The following GVQW3 variants were observed in gnomAD, a reference collection of about 807,000 sequenced individuals.
The protein encoded by GVQW3 is protein GVQW3.
A neutral mutation model predicts 12.5 loss-of-function variants in GVQW3; 7 were observed. The ratio of observed to expected loss-of-function variants is 0.56; its 90% CI spans 0.32 to 1.05. The LOEUF (loss-of-function observed/expected upper bound fraction) is 1.05, where lower values mean the gene tolerates loss of function less well. Ranked by LOEUF, GVQW3 falls within the 50% of genes least tolerant of loss-of-function variation. The pLI, the probability that GVQW3 is intolerant of heterozygous loss-of-function variation, is 0.04. For synonymous variants in GVQW3, 71 were observed against 67.2 expected (o/e 1.06, Z -0.28); for missense variants, 188 against 190.8 (o/e 0.99, Z 0.09).
At chr11:76,387,582 CATT>C (rs1946848057) in intron 1 of GVQW3, among the ~76,000 whole-genome samples, 1 of 152,072 alleles carries the variant, frequency 6.6e-6, no homozygotes, top group South Asian at 2.1e-4. Flanking sequence ...CCATCAATAA[CATT>C]ATTAATGCCA....
At chr11:76,400,092 A>G (rs199954544) in intron 1 of GVQW3, among the ~76,000 whole-genome samples, 3 of 150,934 alleles carry the variant, frequency 2.0e-5, no homozygotes, top group East Asian at 3.9e-4. Flanking sequence ...AAAGAACCCC[A>G]TAATGTTAAA....
intron 1 of GVQW3, among the ~76,000 whole-genome samples, chr11:76,402,090 C>T (rs1214259563): frequency 6.6e-6 from 1 of 152,156 alleles, no homozygotes; most frequent in Non-Finnish European, 1.5e-5. Flanking sequence ...TCTCCTACTC[C>T]TTAGTGTGCA....
At position 76,386,055 on chromosome 11, in the gene GVQW3, A is replaced by T. The variant is rs144585435; in HGVS notation, c.465+3762A>T. ...CCATCTGCAAACTTTCTCAAGCTTAACACCATCGGTCAATGACTCCGTTTG... is the reference window on the plus strand; with the variant it reads ...CCATCTGCAAACTTTCTCAAGCTTATCACCATCGGTCAATGACTCCGTTTG... On this transcript the variant is annotated intron_variant, in intron 1 of 1. Coordinates refer to ENST00000529331, the MANE Select transcript of GVQW3 (RefSeq NM_001347885.2). Among the ~76,000 whole-genome samples, 1,027 of 152,302 alleles carry T rather than the reference A, an allele frequency of 6.7e-3. 4 individuals are homozygous for T. Among genetic ancestry groups the T allele is most frequent in the Non-Finnish European group, 1.0e-2 (680 of 68,020 alleles).
chr11:76,381,785 AC>A lies in GVQW3; in HGVS notation c.-43del. Reference sequence around the variant, plus strand: ...AGATTGATCTGTCCGTCTTTCCCTTACAGTCGTGGCCTGTTAAACGTTCCTG... The same window carrying A: ...AGATTGATCTGTCCGTCTTTCCCTTAAGTCGTGGCCTGTTAAACGTTCCTG... On this transcript the variant is annotated 5_prime_UTR_variant, in exon 1 of 2. Transcript: ENST00000529331. 6.8e-7 allele frequency: 1 copy of A among 1,462,916 alleles called. No individual in the cohort carries two copies. The highest frequency in any genetic ancestry group is 9.0e-7 in the Non-Finnish European group (1 of 1,111,580). The allele number at this position is 1,462,916 out of a possible 1,614,324, so 90.6% of individuals were successfully genotyped here. A position where few individuals can be genotyped will look rare whatever the true frequency, so the allele number is the denominator to read the frequency against.
At chr11:76,387,752 T>C (rs1946849579) in intron 1 of GVQW3, among the ~76,000 whole-genome samples, 1 of 152,012 alleles carries the variant, frequency 6.6e-6, no homozygotes, top group Admixed American at 6.6e-5. Context: ...TGAAACCCCA[T>C]CTCTACAAAA....
At position 76,382,095 on chromosome 11, in the gene GVQW3, C is replaced by T. The variant is rs1435344591; in HGVS notation, c.267C>T (p.Thr89=). 3 of 1,536,500 alleles carry T rather than the reference C, an allele frequency of 2.0e-6. No homozygotes were observed. The highest frequency in any genetic ancestry group is 2.6e-6 in the Non-Finnish European group (3 of 1,147,006). The part of the protein sequence containing the change: ...KDLVCSNRQL[T]VRMMAEELNL... Reference sequence around the variant, plus strand: ...TGGTTTGTTCAAACAGGCAGTTAACCGTGAGGATGATGGCTGAAGAGTTAA... The same window carrying T: ...TGGTTTGTTCAAACAGGCAGTTAACTGTGAGGATGATGGCTGAAGAGTTAA... The change falls in exon 1 of 2, where the codon ACC becomes ACT. Residue 89 remains threonine (T), a synonymous_variant. Transcript: ENST00000529331.
intron 1 of GVQW3, among the ~76,000 whole-genome samples, chr11:76,400,506 C>T (rs182641293): frequency 1.3e-3 from 199 of 152,208 alleles, no homozygotes; most frequent in African/African-American, 4.1e-3. Context: ...CTGCAACCTC[C>T]GCCTCCTGGG....
chr11:76,412,636 C>T (rs1384033359), downstream of GVQW3: 3 of 152,174 alleles, frequency 2.0e-5, no homozygotes, highest in African/African-American at 4.8e-5. Flanking sequence ...AGAGAAAATC[C>T]CACACTGGCC....
chr11:76,381,864 C>T lies in GVQW3; in HGVS notation c.36C>T (p.Ile12=). ...GCTATTTAGAACAAAGGATTAGTAT[C>T]AAATTTTGCGTGAAATTGAACAAGT... The part of the protein sequence containing the change: ...SDRYLEQRIS[I]KFCVKLNKSA... The change falls in exon 1 of 2, where the codon ATC becomes ATT. Residue 12 remains isoleucine (I), a synonymous_variant. Coordinates refer to ENST00000529331, the MANE Select transcript of GVQW3 (RefSeq NM_001347885.2). 6.5e-7 allele frequency: 1 copy of T among 1,535,794 alleles called. No individual in the cohort carries two copies. Among genetic ancestry groups the T allele is most frequent in the African/African-American group, 1.4e-5 (1 of 73,058 alleles).
At chr11:76,401,027 T>A (rs532791892) in intron 1 of GVQW3, among the ~76,000 whole-genome samples, 80 of 150,332 alleles carry the variant, frequency 5.3e-4, no homozygotes, top group African/African-American at 1.6e-3. Context: ...GCTTCTATTT[T>A]TATATATATA....
At chr11:76,382,355 C>T (rs145744648) in intron 1 of GVQW3, 62 bp downstream of exon 1, 2 of 1,066,202 alleles carry the variant, frequency 1.9e-6, no homozygotes, top group Non-Finnish European at 1.4e-6. Context: ...ATGCCCCTGC[C>T]GGTATCCCAT....
At chr11:76,391,599 C>T (rs1462680762) in intron 1 of GVQW3, among the ~76,000 whole-genome samples, 1 of 152,134 alleles carries the variant, frequency 6.6e-6, no homozygotes, top group Non-Finnish European at 1.5e-5. Context: ...GCCAGAAGTC[C>T]ACTCCTAGAG....
Position 76,407,837 on chromosome 11 carries a change from T to C in GVQW3, c.*4079T>C, listed in dbSNP as rs1947056679. 2 of 152,126 alleles carry C rather than the reference T, an allele frequency of 1.3e-5. No homozygotes were observed. The highest frequency in any genetic ancestry group is 2.9e-5 in the Non-Finnish European group (2 of 68,012). 9.4% of individuals were successfully genotyped at this position (152,126 alleles called of 1,614,324 possible). A position where few individuals can be genotyped will look rare whatever the true frequency, so the allele number is the denominator to read the frequency against. On this transcript the variant is annotated 3_prime_UTR_variant, in exon 2 of 2. Coordinates refer to ENST00000529331, the MANE Select transcript of GVQW3 (RefSeq NM_001347885.2). ...ATGCAGCTATTTAAGATGATGTTTT[T>C]AAAGAACTGTCAATGATGTTTGAAG...
At chr11:76,414,619 CA>C (rs33977692), downstream of GVQW3, 1,953 of 119,502 alleles carry the variant, frequency 0.016, 22 homozygotes, top group African/African-American at 0.045. Context: ...ATGGTCCCCA[CA>C]AAAAAAAAAA....
rs761852876 is a variant in GVQW3 at position 76,382,347 on chromosome 11, G to T, written c.465+54G>T. 7.9e-6 allele frequency: 9 copies of T among 1,146,214 alleles called. No individual in the cohort carries two copies. In the Admixed American group the frequency reaches 7.9e-5, roughly 10 times the overall value. The allele number at this position is 1,146,214 out of a possible 1,614,324, so 71.0% of individuals were successfully genotyped here. A position where few individuals can be genotyped will look rare whatever the true frequency, so the allele number is the denominator to read the frequency against. Reference sequence around the variant, plus strand: ...TCCAGGGTGAAGCTGGTGGGGAAATGCCCCTGCCGGTATCCCATCCCAGAG... The same window carrying T: ...TCCAGGGTGAAGCTGGTGGGGAAATTCCCCTGCCGGTATCCCATCCCAGAG... On this transcript the variant is annotated intron_variant, in intron 1 of 1. Coordinates refer to ENST00000529331, the MANE Select transcript of GVQW3 (RefSeq NM_001347885.2).
chr11:76,390,573 C>T (rs750075012), intron 1 of GVQW3, among the ~76,000 whole-genome samples: 12 of 152,202 alleles, frequency 7.9e-5, no homozygotes, highest in South Asian at 2.1e-4. Flanking sequence ...CGGTGGCTCA[C>T]GCCTGTAATC....
chr11:76,391,085 G>T (rs4945078), intron 1 of GVQW3, among the ~76,000 whole-genome samples: 10 of 152,020 alleles, frequency 6.6e-5, no homozygotes, highest in Non-Finnish European at 1.3e-4. Flanking sequence ...CTACAACGTG[G>T]TGGTAGTCGG....
chr11:76,381,689 C>T lies in GVQW3; in HGVS notation c.-140C>T. 1 of 789,494 alleles carries T rather than the reference C, an allele frequency of 1.3e-6. No individual in the cohort carries two copies. Among genetic ancestry groups the T allele is most frequent in the Admixed American group, 3.2e-5 (1 of 31,130 alleles). 48.9% of individuals were successfully genotyped at this position (789,494 alleles called of 1,614,324 possible). On this transcript the variant is annotated 5_prime_UTR_variant, in exon 1 of 2. Coordinates refer to ENST00000529331, the MANE Select transcript of GVQW3 (RefSeq NM_001347885.2). ...GCTGAGGGACAAAAATTCATAAAAG[C>T]AATTACTCTTTCCCGGCGAGGCTTC...
chr11:76,381,643 T>C lies in GVQW3; in HGVS notation c.-186T>C, dbSNP rs926397750. ...GCGACTGTTGGCTTCCCAGAACGGA[T>C]CTCCCCAGCCTCGACTGGAAGCTGA... is the stretch of plus-strand genomic sequence containing the variant. On this transcript the variant is annotated 5_prime_UTR_variant, in exon 1 of 2. Coordinates refer to ENST00000529331, the MANE Select transcript of GVQW3 (RefSeq NM_001347885.2). 5 of 557,452 alleles carry C rather than the reference T, an allele frequency of 9.0e-6. No homozygotes were observed. Among genetic ancestry groups the C allele is most frequent in the Admixed American group, 3.5e-5 (1 of 28,210 alleles). The allele number at this position is 557,452 out of a possible 1,614,324, so 34.5% of individuals were successfully genotyped here.
Sources: allele counts gnomAD v4.1 joint callset (sites outside exome capture counted in the v4.1 genomes callset), GRCh38; gene constraint gnomAD v4.1.1; transcripts MANE v1.5; gene names NCBI Gene and HGNC (gene_info 2026-07-23, HGNC 2026-07-21).